HNF4G: variants seen among roughly 807,000 people sequenced by gnomAD.
The protein encoded by HNF4G is hepatocyte nuclear factor 4-gamma.
HNF4G carries 21 observed loss-of-function variants against 50.9 expected under a neutral mutation model. The ratio of observed to expected loss-of-function variants is 0.41; its 90% CI spans 0.29 to 0.59. HNF4G has a LOEUF of 0.59. Ranked by LOEUF, HNF4G falls within the 20% of genes least tolerant of loss-of-function variation. The pLI is 0.26. For missense variants in HNF4G, 527 were observed against 559.4 expected (o/e 0.94, Z 0.58); for synonymous variants, 198 against 185.6 (o/e 1.07, Z -0.54).
At chr8:75,518,742 C>CT (rs140140287) in intron 2 of HNF4G, among the ~76,000 whole-genome samples, 3,004 of 149,640 alleles carry the variant, frequency 0.02, 116 homozygotes, top group East Asian at 0.16. Flanking sequence ...CCCATGAAAT[C>CT]TTTTTTTTTT....
intron 5 of HNF4G, 65 bp downstream of exon 5, chr8:75,553,262 T>C: frequency 7.4e-7 from 1 of 1,347,416 alleles, no homozygotes; most frequent in Non-Finnish European, 1.0e-6. Flanking sequence ...GTTTATGTTC[T>C]TTCCATATTA....
chr8:75,489,161 G>A (rs1206719846), intron 1 of HNF4G, among the ~76,000 whole-genome samples: 1 of 152,176 alleles, frequency 6.6e-6, no homozygotes, highest in East Asian at 1.9e-4. Flanking sequence ...AATGGTAAAG[G>A]TCCTGCCTTT....
intron 2 of HNF4G, among the ~76,000 whole-genome samples, chr8:75,491,188 A>G (rs1289535135): frequency 6.6e-6 from 1 of 152,214 alleles, no homozygotes; most frequent in Non-Finnish European, 1.5e-5. Flanking sequence ...ATCTATCCCA[A>G]GGATTATTGG....
At chr8:75,544,058 CAG>C (rs1445123996) in intron 2 of HNF4G, 79 bp downstream of exon 2, 4 of 1,310,372 alleles carry the variant, frequency 3.1e-6, no homozygotes, top group Non-Finnish European at 3.1e-6. Flanking sequence ...GAAGAAAATT[CAG>C]AGTTTTCGTA....
intron 1 of HNF4G, among the ~76,000 whole-genome samples, chr8:75,540,415 T>A (rs1806581667): frequency 6.6e-6 from 1 of 152,176 alleles, no homozygotes; most frequent in Non-Finnish European, 1.5e-5. Context: ...GCAGATTGGC[T>A]GTGAAAGTAT....
chr8:75,424,032 A>AG (rs1810837573), intron 1 of HNF4G, among the ~76,000 whole-genome samples: 1 of 151,524 alleles, frequency 6.6e-6, no homozygotes, highest in South Asian at 2.1e-4. Context: ...CACGTTGGCC[A>AG]GGATGGTCTT....
chr8:75,526,690 A>T (rs556058196), intron 2 of HNF4G, among the ~76,000 whole-genome samples: 1 of 150,686 alleles, frequency 6.6e-6, no homozygotes, highest in Non-Finnish European at 1.5e-5. Flanking sequence ...ATGCCACCAC[A>T]CAAGACTAAT....
intron 1 of HNF4G, among the ~76,000 whole-genome samples, chr8:75,446,939 T>A (rs1811433167): frequency 7.3e-6 from 1 of 136,150 alleles, no homozygotes; most frequent in South Asian, 2.4e-4. Context: ...TACTTTAAAG[T>A]TCATATGGAA....
At chr8:75,470,015 A>G (rs1026405324) in intron 1 of HNF4G, among the ~76,000 whole-genome samples, 6 of 152,146 alleles carry the variant, frequency 3.9e-5, no homozygotes, top group African/African-American at 9.7e-5. Flanking sequence ...CTCAAACTAC[A>G]TGGAATACTG....
chr8:75,522,038 G>A (rs1806056672), intron 2 of HNF4G, among the ~76,000 whole-genome samples: 1 of 152,108 alleles, frequency 6.6e-6, no homozygotes, highest in African/African-American at 2.4e-5. Flanking sequence ...GAGTTTATTG[G>A]GACACGTTTC....
chr8:75,437,038 C>G (rs1215769724), intron 1 of HNF4G, among the ~76,000 whole-genome samples: 1 of 152,162 alleles, frequency 6.6e-6, no homozygotes, highest in Non-Finnish European at 1.5e-5. Flanking sequence ...ATCAGAAAAA[C>G]AGTTTGTTAA....
chr8:75,559,737 G>T (rs1285362137), intron 8 of HNF4G, among the ~76,000 whole-genome samples: 1 of 151,988 alleles, frequency 6.6e-6, no homozygotes, highest in Non-Finnish European at 1.5e-5. Context: ...AAACCTCAAG[G>T]ATACTGGAAT....
chr8:75,535,153 A>G (rs16939089), upstream of HNF4G, among the ~76,000 whole-genome samples: 2,283 of 151,938 alleles, frequency 0.015, 23 homozygotes, highest in Middle Eastern at 0.079. Flanking sequence ...ATAGAATCCC[A>G]TCATAAGAGG....
At position 75,559,037 on chromosome 8, in the gene HNF4G, G is replaced by T. The variant is rs771613749; in HGVS notation, c.1123G>T (p.Gly375Trp). Residue 375 changes from glycine to tryptophan, a missense_variant and splice_region_variant, in exon 8 of 10, where the codon GGG becomes TGG. By Grantham distance (184) the Gly-to-Trp change is radical (BLOSUM62 -2). This residue lies in a region of HNF4G where 308 missense variants were observed against 301.5 expected (regional missense o/e 1.02). Coordinates refer to ENST00000396423, the MANE Select transcript of HNF4G (RefSeq NM_004133.5). Reference sequence around the variant, plus strand: ...TCTACTTCAGGAAATGCTATTAGGTGGTGAGTACATTGAATAATTTCTACT... The same window carrying T: ...TCTACTTCAGGAAATGCTATTAGGTTGTGAGTACATTGAATAATTTCTACT... ...DNLLQEMLLG[G>W]ASNDGSHLHH... 12 of 1,472,492 alleles carry T rather than the reference G, an allele frequency of 8.1e-6. No homozygotes were observed. Among genetic ancestry groups the T allele is most frequent in the African/African-American group, 1.4e-5 (1 of 71,984 alleles). 91.2% of individuals were successfully genotyped at this position (1,472,492 alleles called of 1,614,324 possible).
At chr8:75,502,488 G>A (rs1812956733) in intron 2 of HNF4G, among the ~76,000 whole-genome samples, 1 of 152,098 alleles carries the variant, frequency 6.6e-6, no homozygotes, top group Non-Finnish European at 1.5e-5. Context: ...ATAGCAAACA[G>A]CCTAATGGGC....
At chr8:75,538,558 T>C (rs995205173), upstream of HNF4G, among the ~76,000 whole-genome samples, 10 of 152,176 alleles carry the variant, frequency 6.6e-5, no homozygotes, top group Non-Finnish European at 1.2e-4. Flanking sequence ...AAAAGAAATG[T>C]TTGTTAACTC....
intron 2 of HNF4G, among the ~76,000 whole-genome samples, chr8:75,546,184 T>C (rs1381229246): frequency 6.6e-6 from 1 of 152,128 alleles, no homozygotes; most frequent in Admixed American, 6.6e-5. Context: ...TTTGAAGAAA[T>C]GTTAGCGTTT....
intron 2 of HNF4G, among the ~76,000 whole-genome samples, chr8:75,508,201 T>C (rs1387244173): frequency 2.0e-5 from 3 of 152,050 alleles, no homozygotes; most frequent in African/African-American, 7.2e-5. Context: ...GGCAGGGAGA[T>C]TGGGCCGGGA....
At chr8:75,419,363 A>C (rs896615770) in intron 1 of HNF4G, among the ~76,000 whole-genome samples, 1 of 152,160 alleles carries the variant, frequency 6.6e-6, no homozygotes, top group Non-Finnish European at 1.5e-5. Context: ...TTTTAGTAGG[A>C]AGCATTGAAT....
Sources: allele counts gnomAD v4.1 joint callset (sites outside exome capture counted in the v4.1 genomes callset), GRCh38; gene constraint gnomAD v4.1.1; regional missense constraint gnomAD v4.1.1; transcripts MANE v1.5; gene names NCBI Gene and HGNC (gene_info 2026-07-23, HGNC 2026-07-21).